The following PSMA6 variants were observed in gnomAD, a reference collection of about 807,000 sequenced individuals.
PSMA6 encodes proteasome 20S subunit alpha 6.
For synonymous variants in PSMA6, 88 were observed against 97.7 expected (o/e 0.90, Z 0.59); for missense variants, 170 against 294.8 (o/e 0.58, Z 3.10).
chr14:35,306,833 G>A (rs1317562730), intron 1 of PSMA6, among the ~76,000 whole-genome samples: 1 of 152,128 alleles, frequency 6.6e-6, no homozygotes, highest in Non-Finnish European at 1.5e-5. Flanking sequence ...AAGTGCATAA[G>A]CTGAGGTTTG....
At chr14:35,299,791 A>G (rs984426228) in intron 1 of PSMA6, among the ~76,000 whole-genome samples, 1 of 152,180 alleles carries the variant, frequency 6.6e-6, no homozygotes, top group South Asian at 2.1e-4. Flanking sequence ...ATTATAAAAC[A>G]TTTCATGGTG....
intron 1 of PSMA6, among the ~76,000 whole-genome samples, chr14:35,298,178 A>G (rs2051635608): frequency 6.6e-6 from 1 of 152,078 alleles, no homozygotes; most frequent in Non-Finnish European, 1.5e-5. Context: ...AATGCATTAT[A>G]ATTTTTCCCA....
Position 35,312,931 on chromosome 14 carries a change from T to G in PSMA6, c.460T>G (p.Cys154Gly). 2 of 1,596,182 alleles carry G rather than the reference T, an allele frequency of 1.3e-6. No individual in the cohort carries two copies. Among genetic ancestry groups the G allele is most frequent in the Non-Finnish European group, 1.7e-6 (2 of 1,173,778 alleles). The change falls in exon 5 of 7, where the codon TGT (cysteine) becomes GGT (glycine). Residue 154 changes from cysteine (C) to glycine (G), a missense_variant. Coordinates refer to ENST00000261479, the MANE Select transcript of PSMA6 (RefSeq NM_002791.3). The part of the protein sequence containing the change: ...DEEQGPQVYK[C>G]DPAGYYCGFK... The stretch of plus-strand genomic sequence containing the variant: ...AGAGCAAGGCCCTCAGGTATATAAG[T>G]GTGATCCTGCAGGTTACTACTGTGG...
chr14:35,299,921 G>A (rs550491018), intron 1 of PSMA6, among the ~76,000 whole-genome samples: 6 of 152,232 alleles, frequency 3.9e-5, no homozygotes, highest in South Asian at 2.1e-4. Flanking sequence ...TAGGAGAGCC[G>A]GGAAAGGCTT....
At chr14:35,283,810 C>G (rs1188955546) in intron 1 of PSMA6, among the ~76,000 whole-genome samples, 1 of 152,130 alleles carries the variant, frequency 6.6e-6, no homozygotes, top group African/African-American at 2.4e-5. Context: ...TCAAGCAATC[C>G]TCCCAACTCG....
At chr14:35,308,214 G>A (rs2051868271) in intron 2 of PSMA6, 126 bp downstream of exon 2, 4 of 1,292,410 alleles carry the variant, frequency 3.1e-6, no homozygotes, top group African/African-American at 1.5e-5. Context: ...CTTAGATCGG[G>A]AGTTCTAGAC....
At chr14:35,309,664 C>T (rs760966904) in intron 3 of PSMA6, among the ~76,000 whole-genome samples, 7 of 152,124 alleles carry the variant, frequency 4.6e-5, no homozygotes, top group East Asian at 1.9e-4. Flanking sequence ...TGGTGGCGCA[C>T]GCACACCTGT....
intron 1 of PSMA6, among the ~76,000 whole-genome samples, chr14:35,281,410 G>A (rs2051365047): frequency 6.6e-6 from 1 of 152,094 alleles, no homozygotes; most frequent in Non-Finnish European, 1.5e-5. Flanking sequence ...TGTTAAGTGG[G>A]GAAGATGGGC....
intron 3 of PSMA6, 86 bp from the exon 4 acceptor site, chr14:35,310,654 T>G (rs1213212347): frequency 1.5e-5 from 21 of 1,389,526 alleles, no homozygotes; most frequent in Non-Finnish European, 2.1e-5. Flanking sequence ...GTCTATATGG[T>G]GGGAAAATTG....
intron 1 of PSMA6, among the ~76,000 whole-genome samples, chr14:35,285,344 A>AAC (rs1220584786): frequency 2.9e-5 from 1 of 34,598 alleles, no homozygotes; most frequent in African/African-American, 4.7e-5. Context: ...TATCTCAAAA[A>AAC]AAACAAAAAA....
chr14:35,292,381 C>G (rs949225125), upstream of PSMA6: 2 of 1,540,674 alleles, frequency 1.3e-6, no homozygotes, highest in African/African-American at 1.4e-5. Flanking sequence ...GCTGGTACCC[C>G]GGAAGCAGTC....
intron 3 of PSMA6, chr14:35,310,221 A>G (rs1594392375): frequency 4.8e-6 from 2 of 418,568 alleles, no homozygotes; most frequent in East Asian, 7.6e-5. Context: ...ACAGAGTCTC[A>G]CTTTGTCGCC....
At chr14:35,291,357 A>G (rs965185903), upstream of PSMA6, among the ~76,000 whole-genome samples, 119 of 152,078 alleles carry the variant, frequency 7.8e-4, 2 homozygotes, top group Non-Finnish European at 1.6e-3. Context: ...ATATGGGACT[A>G]CAGGCGCCCG....
intron 1 of PSMA6, among the ~76,000 whole-genome samples, chr14:35,301,522 T>G (rs1426202892): frequency 6.6e-6 from 1 of 151,970 alleles, no homozygotes; most frequent in Non-Finnish European, 1.5e-5. Context: ...AAAAAAAACT[T>G]TAAAATCCAG....
At chr14:35,282,782 G>A (rs2051380258) in intron 1 of PSMA6, among the ~76,000 whole-genome samples, 2 of 151,874 alleles carry the variant, frequency 1.3e-5, no homozygotes, top group South Asian at 4.1e-4. Flanking sequence ...TTGAGCCTGG[G>A]AGGCACAGGT....
chr14:35,317,161 A>G lies in PSMA6; in HGVS notation c.684-88A>G, dbSNP rs114054566. ...ATTGTTAAAGTAGGTTGATAGGTAT[A>G]TGGGAGTTTATTATACTATCCCACT... On this transcript the variant is annotated intron_variant, in intron 6 of 6. Coordinates refer to ENST00000261479, the MANE Select transcript of PSMA6 (RefSeq NM_002791.3). 4,586 of 933,274 alleles carry G rather than the reference A, an allele frequency of 4.9e-3. 140 individuals carry two copies. In the African/African-American group the frequency reaches 0.066, roughly 14 times the overall value. 57.8% of individuals were successfully genotyped at this position (933,274 alleles called of 1,614,324 possible).
In PSMA6 at chr14:35,317,332, G is replaced by A. The variant is rs373826164; in HGVS notation, c.*26G>A. On this transcript the variant is annotated 3_prime_UTR_variant, in exon 7 of 7. Coordinates refer to ENST00000261479, the MANE Select transcript of PSMA6 (RefSeq NM_002791.3). ...ACATTGTCGTTAGTTTACCAGATCC[G>A]TGATGCCACTTACCTGTGTGTTTGG... 1.3e-4 allele frequency: 212 copies of A among 1,574,946 alleles called. No homozygotes were observed. Among genetic ancestry groups the A allele is most frequent in the East Asian group, 4.7e-4 (21 of 44,678 alleles).
upstream of PSMA6, among the ~76,000 whole-genome samples, chr14:35,289,184 A>G (rs1387242083): frequency 1.3e-5 from 2 of 152,246 alleles, no homozygotes; most frequent in African/African-American, 2.4e-5. Flanking sequence ...GGATTCATTC[A>G]TTCAACTAAT....
upstream of PSMA6, chr14:35,278,577 G>A (rs141319049): frequency 5.0e-4 from 452 of 911,538 alleles, 5 homozygotes; most frequent in East Asian, 0.011. Flanking sequence ...GTATCCAATA[G>A]GATGCCAGTG....
Sources: gnomAD v4.1 joint callset for allele counts (sites outside exome capture counted in the v4.1 genomes callset) on GRCh38, gnomAD v4.1.1 for gene constraint, MANE v1.5 for transcripts, NCBI Gene and HGNC (gene_info 2026-07-23, HGNC 2026-07-21) for gene names.